PJA2: variants seen among roughly 807,000 people sequenced by gnomAD.
PJA2 encodes praja ring finger ubiquitin ligase 2, also known as E3 ubiquitin-protein ligase Praja-2.
In PJA2, 25 loss-of-function variants were observed where a neutral mutation model predicts 69.3. That is an observed-to-expected ratio of 0.36 (90% CI 0.26 to 0.50). The LOEUF (loss-of-function observed/expected upper bound fraction) is 0.50. PJA2 is among the 20% of genes least tolerant of loss of function. PJA2 has a pLI of 0.96. For synonymous variants in PJA2, 308 were observed against 277.8 expected (o/e 1.11, Z -1.08); for missense variants, 809 against 830.2 (o/e 0.97, Z 0.31).
chr5:109,345,109 G>A (rs1275388877), intron 7 of PJA2, among the ~76,000 whole-genome samples: 2 of 150,442 alleles, frequency 1.3e-5, no homozygotes, highest in Non-Finnish European at 3.0e-5. Context: ...TTGGGAGGCC[G>A]AGGCGGGGTG....
rs368291153 is a variant in PJA2, at chr5:109,368,623, A to T, written c.1407T>A (p.Pro469=). 5.3e-5 allele frequency: 86 copies of T among 1,613,948 alleles called. No homozygotes were observed. The highest frequency in any genetic ancestry group is 6.9e-5 in the Non-Finnish European group (82 of 1,179,970). ...GGCCACTGCTATCACTTTGTAGCTCAGGTTCATTCTCATCTTTTCCTGGCA... is the reference window on the plus strand; with the variant it reads ...GGCCACTGCTATCACTTTGTAGCTCTGGTTCATTCTCATCTTTTCCTGGCA... ...ETLPGKDENE[P]ELQSDSSGPE... The change falls in exon 5 of 10, where the codon CCT becomes CCA. Residue 469 remains proline, a synonymous_variant. Transcript: ENST00000361189.
chr5:109,348,356 C>T (rs533927306), intron 7 of PJA2, among the ~76,000 whole-genome samples: 24 of 152,258 alleles, frequency 1.6e-4, no homozygotes, highest in African/African-American at 5.3e-4. Flanking sequence ...AAATCAAACG[C>T]AAAATGTAAT....
At chr5:109,348,443 G>C (rs1158647245) in intron 7 of PJA2, among the ~76,000 whole-genome samples, 1 of 152,164 alleles carries the variant, frequency 6.6e-6, no homozygotes, top group East Asian at 1.9e-4. Flanking sequence ...CCATTGATTG[G>C]TTAAGGAATA....
chr5:109,350,581 A>AT (rs1762234228), intron 7 of PJA2, among the ~76,000 whole-genome samples: 1 of 152,232 alleles, frequency 6.6e-6, no homozygotes, highest in Non-Finnish European at 1.5e-5. Context: ...TGAATATACT[A>AT]TTTACTGAGA....
intron 5 of PJA2, among the ~76,000 whole-genome samples, chr5:109,367,030 G>T (rs1762595069): frequency 6.6e-6 from 1 of 151,672 alleles, no homozygotes; most frequent in Admixed American, 6.6e-5. Flanking sequence ...TACTCAGGAG[G>T]CTGAGGCAGG....
intron 1 of PJA2, among the ~76,000 whole-genome samples, chr5:109,406,783 C>G (rs956895469): frequency 9.2e-5 from 14 of 152,170 alleles, no homozygotes; most frequent in African/African-American, 3.4e-4. Flanking sequence ...AAACTGGAAA[C>G]AATCCAAGTA....
At chr5:109,398,569 G>A (rs1386066217) in intron 1 of PJA2, among the ~76,000 whole-genome samples, 1 of 149,520 alleles carries the variant, frequency 6.7e-6, no homozygotes, top group Non-Finnish European at 1.5e-5. Flanking sequence ...ACTCATAGGT[G>A]GGAACTGAAC....
At chr5:109,342,109 G>GC (rs1468300206) in intron 9 of PJA2, among the ~76,000 whole-genome samples, 6 of 120,992 alleles carry the variant, frequency 5.0e-5, no homozygotes, top group Non-Finnish European at 9.4e-5. Context: ...GGGGATGTCG[G>GC]CCCCCCGCCC....
Position 109,379,267 on chromosome 5 carries a change from CAAAAG to C in PJA2, c.233-18_233-14del. The C allele has an allele frequency of 6.5e-7, 1 of 1,535,818 alleles. No individual in the cohort carries two copies. The highest frequency in any genetic ancestry group is 8.8e-7 in the Non-Finnish European group (1 of 1,137,502). On this transcript the variant is annotated splice_polypyrimidine_tract_variant and intron_variant, in intron 3 of 9. Coordinates refer to ENST00000361189, the MANE Select transcript of PJA2 (RefSeq NM_014819.5). ...AAAGGACTGGAACCTTCATAAAAAA[CAAAAG>C]AAAACATATTTTAAAGGATTAACTT... is the stretch of plus-strand genomic sequence containing the variant.
chr5:109,396,433 T>C (rs529371633), intron 1 of PJA2, among the ~76,000 whole-genome samples: 2 of 145,118 alleles, frequency 1.4e-5, no homozygotes, highest in Non-Finnish European at 3.0e-5. Context: ...TTTTTTTTTT[T>C]TTTTTTTTTT....
At chr5:109,382,466 A>T (rs577182322) in intron 2 of PJA2, among the ~76,000 whole-genome samples, 2 of 152,360 alleles carry the variant, frequency 1.3e-5, no homozygotes, top group Non-Finnish European at 2.9e-5. Flanking sequence ...ATATATATTA[A>T]GTGTAAGTCT....
chr5:109,407,256 T>C (rs1349895076), intron 1 of PJA2, among the ~76,000 whole-genome samples: 1 of 152,154 alleles, frequency 6.6e-6, no homozygotes, highest in African/African-American at 2.4e-5. Context: ...CAGGAAAATA[T>C]AAACCAGGGA....
chr5:109,342,363 CCGGGAGGGAGG>C (rs1471995133), intron 9 of PJA2, among the ~76,000 whole-genome samples: 31 of 122,036 alleles, frequency 2.5e-4, no homozygotes, highest in Middle Eastern at 0.01. Context: ...GCCGCCCCGT[CCGGGAGGGAGG>C]TGGGGGGGTC....
At chr5:109,401,054 G>T (rs187552622) in intron 1 of PJA2, among the ~76,000 whole-genome samples, 34 of 152,236 alleles carry the variant, frequency 2.2e-4, no homozygotes, top group African/African-American at 6.7e-4. Flanking sequence ...CACTTTGGGA[G>T]GCCAAGGAGG....
chr5:109,391,587 T>C (rs897670249), intron 1 of PJA2, among the ~76,000 whole-genome samples: 9 of 151,960 alleles, frequency 5.9e-5, no homozygotes, highest in Admixed American at 2.6e-4. Flanking sequence ...GCTGAATACA[T>C]ATACTCAAAC....
At chr5:109,351,088 T>C (rs1278704819) in intron 7 of PJA2, among the ~76,000 whole-genome samples, 6 of 146,356 alleles carry the variant, frequency 4.1e-5, no homozygotes, top group Non-Finnish European at 9.0e-5. Context: ...AAGTAACAAA[T>C]CTTTTGGGTG....
intron 9 of PJA2, among the ~76,000 whole-genome samples, chr5:109,342,877 GT>G (rs1402700326): frequency 1.3e-4 from 1 of 7,836 alleles, no homozygotes; most frequent in Non-Finnish European, 4.4e-4. Flanking sequence ...CGGGAGGGAG[GT>G]GGGGGGGGGG....
intron 5 of PJA2, among the ~76,000 whole-genome samples, chr5:109,364,440 G>A (rs552453396): frequency 4.0e-5 from 6 of 151,432 alleles, no homozygotes; most frequent in Non-Finnish European, 7.4e-5. Flanking sequence ...CGGCTAAAAC[G>A]GTGAAACCCC....
At chr5:109,358,871 A>G (rs1762465256) in intron 6 of PJA2, among the ~76,000 whole-genome samples, 1 of 152,192 alleles carries the variant, frequency 6.6e-6, no homozygotes, top group African/African-American at 2.4e-5. Context: ...AAGAACCACT[A>G]ATAGATGCTA....
Sources: gnomAD v4.1 joint callset for allele counts (sites outside exome capture counted in the v4.1 genomes callset) on GRCh38, gnomAD v4.1.1 for gene constraint, MANE v1.5 for transcripts, NCBI Gene and HGNC (gene_info 2026-07-23, HGNC 2026-07-21) for gene names.